ARSJ: variants seen among roughly 807,000 people sequenced by gnomAD.
ARSJ encodes arylsulfatase family member J.
ARSJ carries 26 observed loss-of-function variants against 35.9 expected under a neutral mutation model. The ratio of observed to expected loss-of-function variants is 0.72; its 90% CI spans 0.53 to 1.00. The LOEUF (loss-of-function observed/expected upper bound fraction) is 1.00, where lower values mean the gene tolerates loss of function less well. ARSJ is among the 50% of genes least tolerant of loss of function. The probability of loss-of-function intolerance (pLI) is 0.00; values close to 1 mark genes in which losing one functional copy is unlikely to be tolerated. For missense variants in ARSJ, 667 were observed against 723.6 expected (o/e 0.92, Z 0.90); for synonymous variants, 294 against 267.6 (o/e 1.10, Z -0.96).
At chr4:113,915,527 AT>A (rs1044978208) in intron 1 of ARSJ, among the ~76,000 whole-genome samples, 3 of 152,178 alleles carry the variant, frequency 2.0e-5, no homozygotes, top group Admixed American at 2.0e-4. Context: ...AGCTGACTTA[AT>A]TTTATATAAT....
At chr4:113,976,434 G>A (rs1393027246) in intron 1 of ARSJ, among the ~76,000 whole-genome samples, 1 of 152,038 alleles carries the variant, frequency 6.6e-6, no homozygotes, top group African/African-American at 2.4e-5. Flanking sequence ...TTCCATTATT[G>A]GAATTCTAAG....
chr4:113,965,890 A>G (rs1281096285), intron 1 of ARSJ, among the ~76,000 whole-genome samples: 1 of 152,090 alleles, frequency 6.6e-6, no homozygotes, highest in Non-Finnish European at 1.5e-5. Flanking sequence ...CACTCTGTTC[A>G]CATACATTCA....
rs12108212 is a variant in ARSJ at position 113,948,561 on chromosome 4, C to T, written c.398+29876G>A. ...ATTATGCTACGATAATAGTTGCAAG[C>T]GTACTATATTCTAGAATTTTTTTTC... On this transcript the variant is annotated intron_variant, in intron 1 of 1. Transcript: ENST00000315366. Among the ~76,000 whole-genome samples, 1,044 of 130,642 alleles carry T rather than the reference C, an allele frequency of 8.0e-3. 13 individuals are homozygous for T. Among genetic ancestry groups the T allele is most frequent in the African/African-American group, 0.028 (971 of 35,300 alleles). 85.7% of individuals were successfully genotyped at this position (130,642 alleles called of 152,430 possible). A position where few individuals can be genotyped will look rare whatever the true frequency, so the allele number is the denominator to read the frequency against.
At chr4:113,924,073 AT>A (rs1723881462) in intron 1 of ARSJ, among the ~76,000 whole-genome samples, 1 of 111,302 alleles carries the variant, frequency 9.0e-6, no homozygotes, top group Non-Finnish European at 1.8e-5. Flanking sequence ...ATAAATATAT[AT>A]AAATATATAT....
intron 1 of ARSJ, among the ~76,000 whole-genome samples, chr4:113,951,359 G>T (rs779482585): frequency 2.0e-5 from 3 of 152,024 alleles, no homozygotes; most frequent in Non-Finnish European, 2.9e-5. Flanking sequence ...CATGCTCTCT[G>T]GTTGCCAGAT....
intron 1 of ARSJ, among the ~76,000 whole-genome samples, chr4:113,919,750 G>C (rs1723546867): frequency 1.3e-5 from 2 of 152,168 alleles, no homozygotes; most frequent in South Asian, 2.1e-4. Context: ...AGAAAAATTA[G>C]TAATGCCTTA....
In ARSJ at chr4:113,902,976, GT is replaced by G. The variant is rs1181080586; in HGVS notation, c.1097del (p.Asn366ThrfsTer33). On this transcript the variant is annotated frameshift_variant, in exon 2 of 2. Coordinates refer to ENST00000315366, the MANE Select transcript of ARSJ (RefSeq NM_024590.4). LOFTEE classifies it high-confidence loss of function. ...VGFVHSPLLK[N>X]KGTVCKELVH... Reference sequence around the variant, plus strand: ...CAAGTTCCTTACACACTGTTCCCTTGTTTTTCAGAAGTGGGCTATGCACAAA... The same window carrying G: ...CAAGTTCCTTACACACTGTTCCCTTGTTTTCAGAAGTGGGCTATGCACAAA... 3 of 1,614,012 alleles carry G rather than the reference GT, an allele frequency of 1.9e-6. No homozygotes were observed. Among genetic ancestry groups the G allele is most frequent in the Non-Finnish European group, 2.5e-6 (3 of 1,180,038 alleles).
intron 1 of ARSJ, among the ~76,000 whole-genome samples, chr4:113,945,371 C>G (rs115599743): frequency 0.089 from 13,557 of 152,136 alleles, 791 homozygotes; most frequent in Middle Eastern, 0.14. Context: ...CTCCTGGGCT[C>G]AAGTGATCCT....
At chr4:113,905,237 G>T (rs1377293931) in intron 1 of ARSJ, among the ~76,000 whole-genome samples, 17 of 152,102 alleles carry the variant, frequency 1.1e-4, no homozygotes, top group Admixed American at 1.1e-3. Context: ...TAAAATTAAG[G>T]TTGCAGAAAA....
intron 1 of ARSJ, among the ~76,000 whole-genome samples, chr4:113,968,186 T>C (rs1307081857): frequency 3.3e-5 from 5 of 152,120 alleles, no homozygotes; most frequent in Non-Finnish European, 5.9e-5. Context: ...CATTTTCCCA[T>C]GAAAAAACTG....
intron 1 of ARSJ, among the ~76,000 whole-genome samples, chr4:113,922,960 G>C (rs375503148): frequency 2.0e-5 from 3 of 152,170 alleles, no homozygotes; most frequent in East Asian, 1.9e-4. Context: ...GGTTGACTTT[G>C]AGTAAAACAG....
chr4:113,903,162 G>C lies in ARSJ; in HGVS notation c.912C>G (p.Ile304Met). Reference protein sequence around the residue: ...AAMLSCLDEAINNVTLALKTY... With the variant: ...AAMLSCLDEAMNNVTLALKTY... ...TCTTTAGAGCCAATGTCACGTTGTT[G>C]ATTGCTTCATCTAAGCAGGAAAGCA... The change falls in exon 2 of 2, where the codon ATC becomes ATG. Residue 304 changes from isoleucine to methionine, a missense_variant. By Grantham distance (10) the Ile-to-Met change is conservative (BLOSUM62 1). Transcript: ENST00000315366. The C allele has an allele frequency of 6.2e-7, 1 of 1,614,168 alleles. No homozygotes were observed. The highest frequency in any genetic ancestry group is 1.1e-5 in the South Asian group (1 of 91,074).
intron 1 of ARSJ, among the ~76,000 whole-genome samples, chr4:113,950,414 G>A (rs1375827427): frequency 1.3e-5 from 2 of 152,178 alleles, no homozygotes; most frequent in South Asian, 2.1e-4. Flanking sequence ...CCATCCAGAT[G>A]AGCCCTGGAG....
At position 113,902,158 on chromosome 4, in the gene ARSJ, A is replaced by G; in HGVS notation, c.*116T>C. The G allele has an allele frequency of 6.3e-7, 1 of 1,598,538 alleles. No homozygotes were observed. Among genetic ancestry groups the G allele is most frequent in the Non-Finnish European group, 8.5e-7 (1 of 1,179,784 alleles). On this transcript the variant is annotated 3_prime_UTR_variant, in exon 2 of 2. Coordinates refer to ENST00000315366, the MANE Select transcript of ARSJ (RefSeq NM_024590.4). ...AAGTCTCTGGAGTGGCACAGCATGA[A>G]AACAAGCCTGACGCTTAGGCCAGCG...
chr4:113,959,894 C>T (rs1726433993), intron 1 of ARSJ, among the ~76,000 whole-genome samples: 1 of 152,036 alleles, frequency 6.6e-6, no homozygotes, highest in Non-Finnish European at 1.5e-5. Flanking sequence ...ATCTATCAGC[C>T]ACCCAATAGA....
intron 1 of ARSJ, among the ~76,000 whole-genome samples, chr4:113,957,095 G>A (rs181040674): frequency 3.3e-5 from 5 of 152,100 alleles, no homozygotes; most frequent in Admixed American, 2.0e-4. Context: ...AATCAATGCC[G>A]TTAATAATTG....
chr4:113,947,556 G>A (rs1346528825), intron 1 of ARSJ, among the ~76,000 whole-genome samples: 1 of 140,808 alleles, frequency 7.1e-6, no homozygotes, highest in East Asian at 2.1e-4. Flanking sequence ...GAGAGAGGGA[G>A]AGTGAGGGAG....
At chr4:113,965,667 C>T (rs1726847430) in intron 1 of ARSJ, among the ~76,000 whole-genome samples, 1 of 152,000 alleles carries the variant, frequency 6.6e-6, no homozygotes, top group Non-Finnish European at 1.5e-5. Context: ...TATTTCTTAG[C>T]ACATACATGC....
rs1594369836 is a variant in ARSJ, at chr4:113,902,402, C to T, written c.1672G>A (p.Glu558Lys). 1.9e-6 allele frequency: 3 copies of T among 1,613,520 alleles called. No individual in the cohort carries two copies. Among genetic ancestry groups the T allele is most frequent in the South Asian group, 1.1e-5 (1 of 91,048 alleles). ...GGVWGPWYKE[E>K]TKKKKPSKNQ... ...TTGCTTGGCTTCTTTTTCTTGGTTT[C>T]CTCTTTATACCATGGTCCCCAGACC... Residue 558 changes from glutamate to lysine, a missense_variant, in exon 2 of 2, where the codon GAA becomes AAA. By Grantham distance (56) the Glu-to-Lys change is moderately conservative. Transcript: ENST00000315366.
Sources: gnomAD v4.1 joint callset for allele counts (sites outside exome capture counted in the v4.1 genomes callset) on GRCh38, gnomAD v4.1.1 for gene constraint, MANE v1.5 for transcripts, NCBI Gene and HGNC (gene_info 2026-07-23, HGNC 2026-07-21) for gene names.